The following UGT2B11 variants were observed in gnomAD, a reference collection of about 807,000 sequenced individuals.
The protein encoded by UGT2B11 is UDP glucuronosyltransferase family 2 member B11, also known as UDP-glucuronosyltransferase 2B11.
UGT2B11 carries 49 observed loss-of-function variants against 51.7 expected under a neutral mutation model. The ratio of observed to expected loss-of-function variants is 0.95; its 90% confidence interval spans 0.75 to 1.20. UGT2B11 has a LOEUF of 1.20. UGT2B11 is among the 50% of genes most tolerant of loss of function. The probability of loss-of-function intolerance (pLI) is 0.00; values close to 1 mark genes in which losing one functional copy is unlikely to be tolerated. For synonymous variants in UGT2B11, 273 were observed against 209.0 expected (o/e 1.31, Z -2.64); for missense variants, 810 against 622.1 (o/e 1.30, Z -3.21).
upstream of UGT2B11, chr4:69,216,378 T>G (rs1023784704): frequency 3.9e-5 from 6 of 151,986 alleles, no homozygotes; most frequent in African/African-American, 1.4e-4. Flanking sequence ...ATTTCATAAA[T>G]ATGAAATCAA....
chr4:69,200,333 T>TTC lies in UGT2B11; in HGVS notation c.*106_*107insGA. On this transcript the variant is annotated 3_prime_UTR_variant, in exon 6 of 6. Transcript: ENST00000446444. The stretch of plus-strand genomic sequence containing the variant: ...GAAAATTTTTTTTTTTTTTTTTTTT[T>TTC]TGTCACAGGAAGAAAGAAATCTTGC... 8.5e-7 allele frequency: 1 copy of TTC among 1,173,036 alleles called. No individual in the cohort carries two copies. The highest frequency in any genetic ancestry group is 1.1e-6 in the Non-Finnish European group (1 of 919,390). 72.7% of individuals were successfully genotyped at this position (1,173,036 alleles called of 1,614,324 possible).
At chr4:69,202,559 C>G (rs1411816895) in intron 5 of UGT2B11, among the ~76,000 whole-genome samples, 3 of 151,532 alleles carry the variant, frequency 2.0e-5, no homozygotes, top group African/African-American at 7.3e-5. Flanking sequence ...GAAAATGTGT[C>G]TTCAAGTTGA....
intron 1 of UGT2B11, 114 bp from the exon 2 acceptor site, chr4:69,212,835 T>C (rs1722124651): frequency 9.5e-7 from 1 of 1,052,596 alleles, no homozygotes; most frequent in African/African-American, 1.7e-5. Context: ...TTATGTGCTT[T>C]GAAAAATATA....
chr4:69,214,886 A>G, upstream of UGT2B11: 3 of 1,110,262 alleles, frequency 2.7e-6, no homozygotes, highest in Non-Finnish European at 3.8e-6. Flanking sequence ...AAGTTCGATT[A>G]CTTCATATTT....
chr4:69,200,983 T>G (rs1405744523), intron 5 of UGT2B11, among the ~76,000 whole-genome samples: 1 of 151,752 alleles, frequency 6.6e-6, no homozygotes, highest in Non-Finnish European at 1.5e-5. Context: ...TATAAGGCAT[T>G]TTAACTGGCT....
In UGT2B11 at chr4:69,200,322, T is replaced by G; in HGVS notation, c.*118A>C. On this transcript the variant is annotated 3_prime_UTR_variant, in exon 6 of 6. Coordinates refer to ENST00000446444, the MANE Select transcript of UGT2B11 (RefSeq NM_001073.3). The stretch of plus-strand genomic sequence containing the variant: ...AAGGTAGATTTGAAAATTTTTTTTT[T>G]TTTTTTTTTTTTGTCACAGGAAGAA... 1 of 1,158,136 alleles carries G rather than the reference T, an allele frequency of 8.6e-7. No homozygotes were observed. The highest frequency in any genetic ancestry group is 1.6e-5 in the African/African-American group (1 of 62,568). 71.7% of individuals were successfully genotyped at this position (1,158,136 alleles called of 1,614,324 possible). A position where few individuals can be genotyped will look rare whatever the true frequency, so the allele number is the denominator to read the frequency against.
At chr4:69,210,327 A>T (rs927312427) in intron 2 of UGT2B11, among the ~76,000 whole-genome samples, 3 of 151,638 alleles carry the variant, frequency 2.0e-5, no homozygotes, top group Non-Finnish European at 3.0e-5. Flanking sequence ...ACGTGAATAT[A>T]TTATAAAATT....
chr4:69,208,517 A>G (rs1298296364), intron 2 of UGT2B11, 35 bp from the exon 3 acceptor site: 19 of 1,605,894 alleles, frequency 1.2e-5, no homozygotes, highest in Non-Finnish European at 1.4e-5. Context: ...ACAAAAGAGT[A>G]TCACCACAGC....
chr4:69,206,288 G>A (rs536737664), intron 3 of UGT2B11, among the ~76,000 whole-genome samples: 1 of 125,856 alleles, frequency 7.9e-6, no homozygotes, highest in South Asian at 2.6e-4. Flanking sequence ...GGAATATTAT[G>A]CAGCCATAAA....
chr4:69,211,896 A>G (rs1335203536), intron 2 of UGT2B11, among the ~76,000 whole-genome samples: 2 of 151,616 alleles, frequency 1.3e-5, no homozygotes, highest in African/African-American at 2.4e-5. Context: ...ACTAATATGT[A>G]TCCGGCTCTA....
At chr4:69,214,749 C>G, upstream of UGT2B11, 4 of 1,601,896 alleles carry the variant, frequency 2.5e-6, no homozygotes, top group Non-Finnish European at 3.4e-6. Flanking sequence ...CATTCTTTTC[C>G]AGTCACTGTT....
chr4:69,204,984 C>A (rs111816283), intron 4 of UGT2B11, among the ~76,000 whole-genome samples: 10 of 151,444 alleles, frequency 6.6e-5, no homozygotes, highest in African/African-American at 2.4e-4. Flanking sequence ...GTGTGATATG[C>A]GGGGTATGCA....
At chr4:69,208,627 G>C (rs1721947975) in intron 2 of UGT2B11, 145 bp from the exon 3 acceptor site, 8 of 1,440,218 alleles carry the variant, frequency 5.6e-6, no homozygotes, top group Non-Finnish European at 6.5e-6. Flanking sequence ...GAATCATTCA[G>C]TTTCTTTGCA....
At chr4:69,208,986 G>A (rs1721960095) in intron 2 of UGT2B11, among the ~76,000 whole-genome samples, 1 of 151,570 alleles carries the variant, frequency 6.6e-6, no homozygotes, top group Admixed American at 6.6e-5. Context: ...TCACAGTTGG[G>A]ATAATTTTAT....
At chr4:69,211,313 T>C (rs1437123993) in intron 2 of UGT2B11, among the ~76,000 whole-genome samples, 1 of 151,546 alleles carries the variant, frequency 6.6e-6, no homozygotes. Context: ...AAGATCCTTG[T>C]TACTTATGGT....
In UGT2B11 at chr4:69,212,599, A is replaced by C. The variant is rs767618584; in HGVS notation, c.844T>G (p.Cys282Gly). 1 of 1,608,776 alleles carries C rather than the reference A, an allele frequency of 6.2e-7. No homozygotes were observed. The highest frequency in any genetic ancestry group is 1.7e-5 in the Admixed American group (1 of 59,518). Reference protein sequence around the residue: ...PNVDFVGGFHCKPAKPLPKEM... With the variant: ...PNVDFVGGFHGKPAKPLPKEM... ...TTAGGTAGGGGTTTGGCAGGTTTGC[A>C]GTGGAATCCTCCAACAAAATCAACG... The change falls in exon 2 of 6, where the codon TGC (cysteine) becomes GGC (glycine). Residue 282 changes from cysteine (C) to glycine (G), a missense_variant. Physicochemically the swap from Cys to Gly is radical, Grantham distance 159. Transcript: ENST00000446444.
Position 69,214,122 on chromosome 4 carries a change from A to G in UGT2B11, c.601T>C (p.Leu201=), listed in dbSNP as rs1362164240. 16 of 1,612,278 alleles carry G rather than the reference A, an allele frequency of 9.9e-6. No homozygotes were observed. The highest frequency in any genetic ancestry group is 1.2e-5 in the Non-Finnish European group (14 of 1,179,086). Residue 201 remains leucine (L), a synonymous_variant, in exon 1 of 6, where the codon TTA becomes CTA. Coordinates refer to ENST00000446444, the MANE Select transcript of UGT2B11 (RefSeq NM_001073.3). ...TCCATGAAAGTCATTTGATCACTTA[A>G]TTTTGACATAACAATAGGTATGTAG... ...PSYIPIVMSK[L]SDQMTFMERV...
At chr4:69,222,721 C>A in the UGT2B11 span, among the ~76,000 whole-genome samples, 1 of 152,168 alleles carries the variant, frequency 6.6e-6, no homozygotes, top group Non-Finnish European at 1.5e-5. Flanking sequence ...TCTATACAGT[C>A]ATCAGGATCA....
At chr4:69,213,506 G>A (rs1577966607) in intron 1 of UGT2B11, among the ~76,000 whole-genome samples, 2 of 151,826 alleles carry the variant, frequency 1.3e-5, no homozygotes, top group South Asian at 4.1e-4. Context: ...CATCTGAGAT[G>A]TAGACATTAT....
Sources: gnomAD v4.1 joint callset for allele counts (sites outside exome capture counted in the v4.1 genomes callset) on GRCh38, gnomAD v4.1.1 for gene constraint, MANE v1.5 for transcripts, NCBI Gene and HGNC (gene_info 2026-07-23, HGNC 2026-07-21) for gene names.